The following PALM3 variants were observed in gnomAD, a reference collection of about 807,000 sequenced individuals.
PALM3 encodes paralemmin 3.
In PALM3, 20 loss-of-function variants were observed where a neutral mutation model predicts 27.9. That is an observed-to-expected ratio of 0.72 (90% CI 0.50 to 1.04). PALM3 has a LOEUF of 1.04. Among genes scored for constraint, PALM3 ranks in the 50% least tolerant of loss-of-function variants. The pLI, the probability that PALM3 is intolerant of heterozygous loss-of-function variation, is 0.00. For synonymous variants in PALM3, 328 were observed against 352.7 expected (o/e 0.93, Z 0.79); for missense variants, 814 against 869.4 (o/e 0.94, Z 0.80).
chr19:14,060,965 T>C (rs962735340), intron 1 of PALM3, among the ~76,000 whole-genome samples: 1 of 152,186 alleles, frequency 6.6e-6, no homozygotes, highest in African/African-American at 2.4e-5. Context: ...TTCACCATAC[T>C]GGCCAGGCTG....
In PALM3 at chr19:14,054,337, C is replaced by T. The variant is rs760558719; in HGVS notation, c.1335G>A (p.Lys445=). The T allele has an allele frequency of 7.1e-6, 11 of 1,551,922 alleles. No homozygotes were observed. In the Admixed American group the frequency reaches 1.6e-4, roughly 22 times the overall value. The change falls in exon 7 of 7, where the codon AAG becomes AAA. Residue 445 remains lysine (K), a synonymous_variant. Transcript: ENST00000669674. ...TTCCTCTGCTCTCCAGCTCCAACTT[C>T]TTCTCTCCTCCTTTCCTCTCTACCA... ...SPVVERKGGE[K]KLELESRGSA...
At chr19:14,058,296 T>G (rs1976353085) in intron 2 of PALM3, among the ~76,000 whole-genome samples, 1 of 135,680 alleles carries the variant, frequency 7.4e-6, no homozygotes, top group Non-Finnish European at 1.6e-5. Context: ...GGGGTGCAGA[T>G]AGGTGGGGTA....
Position 14,053,757 on chromosome 19 carries a change from G to A in PALM3, c.1915C>T (p.Leu639=). ...APEQPAECQP[L]LQGEGPSANP... ...GCGCTGGGCCCCTCCCCCTGAAGCA[G>A]TGGCTGGCATTCGGCGGGCTGCTCT... Residue 639 remains leucine (L), a synonymous_variant, in exon 7 of 7, where the codon CTG becomes TTG. Coordinates refer to ENST00000669674, the MANE Select transcript of PALM3 (RefSeq NM_001145028.2). The A allele has an allele frequency of 6.5e-7, 1 of 1,536,718 alleles. No homozygotes were observed. The highest frequency in any genetic ancestry group is 8.8e-7 in the Non-Finnish European group (1 of 1,140,198).
chr19:14,055,457 G>A, intron 5 of PALM3, 32 bp from the exon 6 acceptor site: 1 of 1,550,260 alleles, frequency 6.5e-7, no homozygotes, highest in Non-Finnish European at 8.7e-7. Context: ...GGTCAGGCTG[G>A]CCCTCATCCC....
At chr19:14,057,052 C>A in intron 3 of PALM3, 2 of 587,586 alleles carry the variant, frequency 3.4e-6, no homozygotes, top group Non-Finnish European at 6.0e-6. Flanking sequence ...TCCCTACTGG[C>A]CCCTCCCTAC....
Position 14,053,715 on chromosome 19 carries a change from G to C in PALM3, c.1957C>G (p.Pro653Ala), listed in dbSNP as rs61749577. The C allele has an allele frequency of 0.018, 26,672 of 1,518,546 alleles. 308 individuals carry two copies. The highest frequency in any genetic ancestry group is 0.028 in the Middle Eastern group (163 of 5,782). 94.1% of individuals were successfully genotyped at this position (1,518,546 alleles called of 1,614,324 possible). ...CGGGCAGGCGCGTAGGTGGGCACAG[G>C]GTGGGCACTGGGGTTGGCGCTGGGC... ...EGPSANPSAH[P>A]VPTYAPARQP... The change falls in exon 7 of 7, where the codon CCT (proline) becomes GCT (alanine). Residue 653 changes from proline (P) to alanine (A), a missense_variant. Coordinates refer to ENST00000669674, the MANE Select transcript of PALM3 (RefSeq NM_001145028.2).
rs566167706 is a variant in PALM3, at chr19:14,056,107, C to T, written c.399+322G>A. Among the ~76,000 whole-genome samples the T allele has an allele frequency of 1.7e-3, 266 of 152,318 alleles. 1 individual carries two copies. The highest frequency in any genetic ancestry group is 5.6e-3 in the Admixed American group (85 of 15,300). ...TGTTTTTAGTAGAGATGGGGTTTCA[C>T]CATGTTGGCCAGGCTGGTCTCCAAT... On this transcript the variant is annotated intron_variant, in intron 5 of 6. Coordinates refer to ENST00000669674, the MANE Select transcript of PALM3 (RefSeq NM_001145028.2).
In PALM3 at chr19:14,053,702, T is replaced by C. The variant is rs2145700267; in HGVS notation, c.1970A>G (p.Tyr657Cys). 5 of 1,504,128 alleles carry C rather than the reference T, an allele frequency of 3.3e-6. No homozygotes were observed. The highest frequency in any genetic ancestry group is 4.4e-6 in the Non-Finnish European group (5 of 1,127,012). The allele number at this position is 1,504,128 out of a possible 1,614,324, so 93.2% of individuals were successfully genotyped here. A position where few individuals can be genotyped will look rare whatever the true frequency, so the allele number is the denominator to read the frequency against. ...ANPSAHPVPT[Y>C]APARQPEPSA... ...TGGCTCAGGCTGCCGGGCAGGCGCGTAGGTGGGCACAGGGTGGGCACTGGG... is the reference window on the plus strand; with the variant it reads ...TGGCTCAGGCTGCCGGGCAGGCGCGCAGGTGGGCACAGGGTGGGCACTGGG... Residue 657 changes from tyrosine (Y) to cysteine (C), a missense_variant, in exon 7 of 7, where the codon TAC becomes TGC. Transcript: ENST00000669674.
At position 14,053,733 on chromosome 19, in the gene PALM3, C is replaced by T. The variant is rs369857742; in HGVS notation, c.1939G>A (p.Ala647Thr). ...QPLLQGEGPS[A>T]NPSAHPVPTY... ...GGCACAGGGTGGGCACTGGGGTTGG[C>T]GCTGGGCCCCTCCCCCTGAAGCAGT... The change falls in exon 7 of 7, where the codon GCC becomes ACC. Residue 647 changes from alanine to threonine, a missense_variant. By Grantham distance (58) the Ala-to-Thr change is moderately conservative. Transcript: ENST00000669674. 8.6e-5 allele frequency: 131 copies of T among 1,529,518 alleles called. No homozygotes were observed. Among genetic ancestry groups the T allele is most frequent in the African/African-American group, 1.1e-4 (8 of 72,532 alleles). The allele number at this position is 1,529,518 out of a possible 1,614,324, so 94.7% of individuals were successfully genotyped here.
rs1219026054 is a variant in PALM3, at chr19:14,054,492, C to A, written c.1180G>T (p.Ala394Ser). The change falls in exon 7 of 7, where the codon GCC (alanine) becomes TCC (serine). Residue 394 changes from alanine to serine, a missense_variant. By Grantham distance (99) the Ala-to-Ser change is moderately conservative. Coordinates refer to ENST00000669674, the MANE Select transcript of PALM3 (RefSeq NM_001145028.2). ...CCTCCTCCCGTCTTGGCCCCCTCGGCCCCCAGCGGGCTTTCATCTCCTCTC... is the reference window on the plus strand; with the variant it reads ...CCTCCTCCCGTCTTGGCCCCCTCGGACCCCAGCGGGCTTTCATCTCCTCTC... ...RERGDESPLG[A>S]EGAKTGGGEE... 1.3e-6 allele frequency: 2 copies of A among 1,551,082 alleles called. No homozygotes were observed. Among genetic ancestry groups the A allele is most frequent in the South Asian group, 1.2e-5 (1 of 83,990 alleles).
intron 2 of PALM3, among the ~76,000 whole-genome samples, chr19:14,057,915 CTGGCCAACA>C (rs1976340830): frequency 6.6e-6 from 1 of 152,130 alleles, no homozygotes; most frequent in Non-Finnish European, 1.5e-5. Flanking sequence ...CTAGCCTACC[CTGGCCAACA>C]TGGTGAAAAC....
intron 2 of PALM3, among the ~76,000 whole-genome samples, chr19:14,058,713 C>T (rs1242805872): frequency 6.6e-6 from 1 of 151,294 alleles, no homozygotes; most frequent in Non-Finnish European, 1.5e-5. Flanking sequence ...TGGTAGAGAC[C>T]CAGAGATGGG....
Position 14,055,159 on chromosome 19 carries a change from G to A in PALM3, c.513C>T (p.Pro171=). 1 of 1,548,580 alleles carries A rather than the reference G, an allele frequency of 6.5e-7. No homozygotes were observed. Among genetic ancestry groups the A allele is most frequent in the Non-Finnish European group, 8.7e-7 (1 of 1,146,354 alleles). The change falls in exon 7 of 7, where the codon CCC becomes CCT. Residue 171 remains proline, a synonymous_variant. Coordinates refer to ENST00000669674, the MANE Select transcript of PALM3 (RefSeq NM_001145028.2). ...CCAAGACATCCTCCCTGGGCTCAGA[G>A]GGGGACTCTGGAGGCGTGCCCACTA... ...AGLVGTPPES[P]SEPREDVLGF... is the part of the protein sequence containing the mutation.
chr19:14,054,262 G>A lies in PALM3; in HGVS notation c.1410C>T (p.Gly470=), dbSNP rs1475623598. The A allele has an allele frequency of 1.3e-6, 2 of 1,551,380 alleles. No individual in the cohort carries two copies. Among genetic ancestry groups the A allele is most frequent in the Non-Finnish European group, 1.7e-6 (2 of 1,146,944 alleles). Residue 470 remains glycine, a synonymous_variant, in exon 7 of 7, where the codon GGC becomes GGT. Coordinates refer to ENST00000669674, the MANE Select transcript of PALM3 (RefSeq NM_001145028.2). ...TEREGGEEPL[G]IERKVEGHLR... The stretch of plus-strand genomic sequence containing the variant: ...AATGTCCCTCAACTTTTCTCTCTAT[G>A]CCCAGTGGTTCCTCACCTCCTTCCC...
Position 14,056,719 on chromosome 19 carries a change from T to C in PALM3, c.257A>G (p.Gln86Arg). 6.4e-7 allele frequency: 1 copy of C among 1,551,712 alleles called. No homozygotes were observed. The highest frequency in any genetic ancestry group is 1.2e-5 in the South Asian group (1 of 84,068). The change falls in exon 4 of 7, where the codon CAG becomes CGG. Residue 86 changes from glutamine (Q) to arginine (R), a missense_variant. Transcript: ENST00000669674. Reference sequence around the variant, plus strand: ...GGCCTGAGCCTGGCCCTCGGGTGACTGGGGGTCCTTCGAGGTGGGGTCTTC... The same window carrying C: ...GGCCTGAGCCTGGCCCTCGGGTGACCGGGGGTCCTTCGAGGTGGGGTCTTC... ...PSEDPTSKDP[Q>R]SPEGQAQARI... is the part of the protein sequence containing the mutation.
rs1202322773 is a variant in PALM3 at position 14,054,026 on chromosome 19, G to A, written c.1646C>T (p.Thr549Met). The change falls in exon 7 of 7, where the codon ACG (threonine) becomes ATG (methionine). Residue 549 changes from threonine to methionine, a missense_variant. Physicochemically the swap from Thr to Met is moderately conservative, Grantham distance 81. Transcript: ENST00000669674. ...ESLETEKTQG[T>M]EGDLNLEQGS... ...TTGTTCTAGATTCAGATCTCCCTCCGTCCCTTGGGTCTTCTCTGTCTCCAA... is the reference window on the plus strand; with the variant it reads ...TTGTTCTAGATTCAGATCTCCCTCCATCCCTTGGGTCTTCTCTGTCTCCAA... The A allele has an allele frequency of 2.2e-5, 34 of 1,551,424 alleles. No homozygotes were observed. Among genetic ancestry groups the A allele is most frequent in the African/African-American group, 8.2e-5 (6 of 72,916 alleles).
rs920581104 is a variant in PALM3 at position 14,056,519 on chromosome 19, G to A, written c.315-6C>T. On this transcript the variant is annotated splice_polypyrimidine_tract_variant and splice_region_variant and intron_variant, in intron 4 of 6. Transcript: ENST00000669674. The stretch of plus-strand genomic sequence containing the variant: ...GTTGCAGCTGGGACTGGAGTCTGAA[G>A]AAGAGAGAGGGCTGCTAGGAGCTGG... 17 of 1,551,020 alleles carry A rather than the reference G, an allele frequency of 1.1e-5. No individual in the cohort carries two copies. The African/African-American group carries it at 2.2e-4, about 20-fold the overall frequency.
chr19:14,059,208 G>T, intron 1 of PALM3, 45 bp from the exon 2 acceptor site: 2 of 1,430,410 alleles, frequency 1.4e-6, no homozygotes, highest in Non-Finnish European at 1.8e-6. Flanking sequence ...CATCTTGAAC[G>T]CCCCCCTCTT....
At chr19:14,059,229 C>T (rs1452211048) in intron 1 of PALM3, 66 bp from the exon 2 acceptor site, 3 of 1,384,142 alleles carry the variant, frequency 2.2e-6, no homozygotes, top group Non-Finnish European at 2.8e-6. Flanking sequence ...GGCCAAGATC[C>T]CTGAGCAGTA....
Sources: allele counts gnomAD v4.1 joint callset (sites outside exome capture counted in the v4.1 genomes callset), GRCh38; gene constraint gnomAD v4.1.1; transcripts MANE v1.5; gene names NCBI Gene and HGNC (gene_info 2026-07-23, HGNC 2026-07-21).